The following DEAF1 variants were observed in gnomAD, a reference collection of about 807,000 sequenced individuals.
DEAF1 encodes the protein deformed epidermal autoregulatory factor 1 homolog.
In DEAF1, 53 loss-of-function variants were observed where a neutral mutation model predicts 58.9. The ratio of observed to expected loss-of-function variants is 0.90; its 90% confidence interval spans 0.72 to 1.13. DEAF1 has a LOEUF of 1.13. DEAF1 is among the 50% of genes most tolerant of loss of function. The pLI, the probability that DEAF1 is intolerant of heterozygous loss-of-function variation, is 0.00. For synonymous variants in DEAF1, 385 were observed against 340.4 expected (o/e 1.13, Z -1.44); for missense variants, 685 against 791.4 (o/e 0.87, Z 1.61).
intron 5 of DEAF1, among the ~76,000 whole-genome samples, chr11:686,051 G>A (rs578234584): frequency 1.3e-5 from 2 of 151,434 alleles, no homozygotes; most frequent in Non-Finnish European, 2.9e-5. Context: ...GGGAGGCCGA[G>A]GCAGGCAGAT....
intron 10 of DEAF1, among the ~76,000 whole-genome samples, chr11:656,721 C>G (rs1283209778): frequency 7.2e-5 from 11 of 152,242 alleles, no homozygotes; most frequent in Non-Finnish European, 1.5e-4. Flanking sequence ...CCAGGACGTC[C>G]TGTACTTGCC....
chr11:683,115 G>A (rs1860445921), intron 6 of DEAF1, among the ~76,000 whole-genome samples: 1 of 152,104 alleles, frequency 6.6e-6, no homozygotes, highest in African/African-American at 2.4e-5. Flanking sequence ...GAGACCTTAA[G>A]GGGTTATTTT....
chr11:699,051 C>G, upstream of DEAF1: 1 of 822,296 alleles, frequency 1.2e-6, no homozygotes, highest in Non-Finnish European at 2.0e-6. Context: ...ATGTAACTTC[C>G]TCGGATCAGT....
chr11:681,126 G>A, intron 6 of DEAF1, 37 bp from the exon 7 acceptor site: 13 of 1,613,154 alleles, frequency 8.1e-6, no homozygotes, highest in Non-Finnish European at 1.1e-5. Flanking sequence ...ACCTTCATGT[G>A]TGCAAAAGCT....
chr11:659,094 T>G (rs985198462), intron 10 of DEAF1, among the ~76,000 whole-genome samples: 5 of 152,104 alleles, frequency 3.3e-5, no homozygotes, highest in Admixed American at 3.3e-4. Flanking sequence ...TAAGTCTAAC[T>G]TGAAAACCTA....
rs1041794232 is a variant in DEAF1 at position 694,812 on chromosome 11, C to T, written c.236G>A (p.Gly79Asp). The T allele has an allele frequency of 7.0e-7, 1 of 1,432,940 alleles. No homozygotes were observed. Among genetic ancestry groups the T allele is most frequent in the South Asian group, 1.4e-5 (1 of 70,336 alleles). The allele number at this position is 1,432,940 out of a possible 1,614,324, so 88.8% of individuals were successfully genotyped here. A position where few individuals can be genotyped will look rare whatever the true frequency, so the allele number is the denominator to read the frequency against. ...GTCGGGGCCGGGCAGGGCCTCGGCGCCCATGTCCATGTGCCCGGGCTCCGC... is the reference window on the plus strand; with the variant it reads ...GTCGGGGCCGGGCAGGGCCTCGGCGTCCATGTCCATGTGCCCGGGCTCCGC... Reference protein sequence around the residue: ...MAAEPGHMDMGAEALPGPDEA... With the variant: ...MAAEPGHMDMDAEALPGPDEA... The change falls in exon 1 of 12, where the codon GGC becomes GAC. Residue 79 changes from glycine to aspartate, a missense_variant. By Grantham distance (94) the Gly-to-Asp change is moderately conservative. Transcript: ENST00000382409.
chr11:702,746 C>T (rs973519588), intron 1 of DEAF1, among the ~76,000 whole-genome samples: 8 of 152,232 alleles, frequency 5.3e-5, no homozygotes, highest in Admixed American at 5.2e-4. Flanking sequence ...AGGAGGGGCT[C>T]ACGCCTGTGT....
At chr11:655,055 A>G (rs1858978541) in intron 10 of DEAF1, among the ~76,000 whole-genome samples, 1 of 151,316 alleles carries the variant, frequency 6.6e-6, no homozygotes, top group African/African-American at 2.5e-5. Context: ...TCCAAAACAA[A>G]CAAACAAACA....
At chr11:660,151 C>A (rs922285088) in intron 10 of DEAF1, among the ~76,000 whole-genome samples, 2 of 152,226 alleles carry the variant, frequency 1.3e-5, no homozygotes, top group African/African-American at 4.8e-5. Context: ...GATTACTCTC[C>A]CTCGAGGAAG....
At chr11:687,063 C>T in intron 4 of DEAF1, 66 bp from the exon 5 acceptor site, 1 of 1,605,826 alleles carries the variant, frequency 6.2e-7, no homozygotes, top group East Asian at 2.2e-5. Flanking sequence ...TTGCCTACCT[C>T]CTGGCGCCTC....
intron 10 of DEAF1, 38 bp downstream of exon 10, chr11:674,498 C>T (rs753430366): frequency 1.2e-5 from 20 of 1,613,138 alleles, no homozygotes; most frequent in Non-Finnish European, 1.5e-5. Context: ...TGGGGTTACT[C>T]GGCACAGGTC....
At chr11:654,433 G>A (rs1430257306) in intron 10 of DEAF1, among the ~76,000 whole-genome samples, 5 of 151,106 alleles carry the variant, frequency 3.3e-5, no homozygotes, top group Non-Finnish European at 5.9e-5. Context: ...CCAAAGTGCT[G>A]GGATTACAGG....
At chr11:692,688 A>G (rs1023313360) in intron 1 of DEAF1, among the ~76,000 whole-genome samples, 5 of 152,084 alleles carry the variant, frequency 3.3e-5, no homozygotes, top group African/African-American at 1.2e-4. Flanking sequence ...CCCCATCTCT[A>G]CTAAAAATAC....
At position 644,680 on chromosome 11, in the gene DEAF1, A is replaced by G. The variant is rs955399917; in HGVS notation, c.1594-26T>C. The G allele has an allele frequency of 1.9e-6, 3 of 1,571,428 alleles. No individual in the cohort carries two copies. Among genetic ancestry groups the G allele is most frequent in the Non-Finnish European group, 2.6e-6 (3 of 1,155,646 alleles). On this transcript the variant is annotated intron_variant, in intron 11 of 11. Coordinates refer to ENST00000382409, the MANE Select transcript of DEAF1 (RefSeq NM_021008.4). The surrounding 1 kb of genome is among the most constrained non-coding windows in gnomAD (Gnocchi z 4.3). ...CTGGAAGGGAGGACACACCCATGTC[A>G]GCAGGGTCAGTGGGTGGAGCAGGGT...
chr11:674,843 G>A (rs917143504), intron 9 of DEAF1, 60 bp from the exon 10 acceptor site: 36 of 1,598,342 alleles, frequency 2.3e-5, no homozygotes, highest in Middle Eastern at 1.7e-4. Flanking sequence ...GCTTCAAAAT[G>A]GCCTCCGTTA....
chr11:689,720 T>C (rs1860749312), intron 2 of DEAF1: 1 of 152,170 alleles, frequency 6.6e-6, no homozygotes, highest in Non-Finnish European at 1.5e-5. Flanking sequence ...ACAGAGTATT[T>C]TTCTTAGGAA....
chr11:695,076 G>A lies in DEAF1; in HGVS notation c.-29C>T. The A allele has an allele frequency of 2.1e-6, 3 of 1,433,720 alleles. No individual in the cohort carries two copies. The highest frequency in any genetic ancestry group is 1.3e-5 in the South Asian group (1 of 76,350). The allele number at this position is 1,433,720 out of a possible 1,614,324, so 88.8% of individuals were successfully genotyped here. A position where few individuals can be genotyped will look rare whatever the true frequency, so the allele number is the denominator to read the frequency against. On this transcript the variant is annotated 5_prime_UTR_variant, in exon 1 of 12. Coordinates refer to ENST00000382409, the MANE Select transcript of DEAF1 (RefSeq NM_021008.4). The stretch of plus-strand genomic sequence containing the variant: ...GACTCCGCCGAGCCTTCCCGAAGGC[G>A]CCGTCCGGGACCGCCCGAAGCGCCG...
intron 7 of DEAF1, among the ~76,000 whole-genome samples, chr11:680,693 C>A (rs1375339232): frequency 6.6e-6 from 1 of 152,208 alleles, no homozygotes; most frequent in Non-Finnish European, 1.5e-5. Flanking sequence ...GTGTGCTGGG[C>A]ACTCAGCCAT....
intron 1 of DEAF1, chr11:703,777 C>T: frequency 1.6e-6 from 2 of 1,233,132 alleles, no homozygotes; most frequent in South Asian, 4.1e-5. Context: ...CAATTTCCAT[C>T]TTAGCCACAC....
Sources: allele counts gnomAD v4.1 joint callset (sites outside exome capture counted in the v4.1 genomes callset), GRCh38; gene constraint gnomAD v4.1.1; non-coding constraint Gnocchi (gnomAD v3.1); transcripts MANE v1.5; gene names NCBI Gene and HGNC (gene_info 2026-07-23, HGNC 2026-07-21).